Variants in FAM228A observed in about 807,000 individuals in gnomAD.
FAM228A encodes family with sequence similarity 228 member A, also known as protein FAM228A.
In FAM228A, 13 loss-of-function variants were observed where a neutral mutation model predicts 18.6. The observed-to-expected ratio is 0.70, with a 90% CI of 0.45 to 1.11. FAM228A has a LOEUF of 1.11. FAM228A is among the 50% of genes least tolerant of loss of function. The pLI, the probability that FAM228A is intolerant of heterozygous loss-of-function variation, is 0.00. For synonymous variants in FAM228A, 77 were observed against 86.6 expected (o/e 0.89, Z 0.61); for missense variants, 240 against 242.2 (o/e 0.99, Z 0.06).
At chr2:24,181,842 A>G (rs1667822659) in intron 3 of FAM228A, among the ~76,000 whole-genome samples, 1 of 152,228 alleles carries the variant, frequency 6.6e-6, no homozygotes, top group African/African-American at 2.4e-5. Context: ...AATCTACAAA[A>G]GCATTTCCTT....
intron 2 of FAM228A, chr2:24,175,949 G>A (rs75568319): frequency 0.01 from 10,620 of 1,025,722 alleles, 66 homozygotes; most frequent in Non-Finnish European, 0.011. Context: ...AAAAACTCTT[G>A]GAAATTTCCT....
chr2:24,183,371 A>G lies in FAM228A; in HGVS notation c.249A>G (p.Thr83=), dbSNP rs754509628. Residue 83 remains threonine (T), a splice_region_variant and synonymous_variant, in exon 4 of 6, where the codon ACA becomes ACG. Transcript: ENST00000295150. ...EERRTGLQCE[T]GKRHSIKELE... is the part of the protein sequence containing the mutation. Reference sequence around the variant, plus strand: ...GGAGAACTGGTCTTCAGTGTGAGACAGGTGCTTTGTGATCACTGGGCCTCA... The same window carrying G: ...GGAGAACTGGTCTTCAGTGTGAGACGGGTGCTTTGTGATCACTGGGCCTCA... 2.5e-6 allele frequency: 4 copies of G among 1,613,638 alleles called. No homozygotes were observed. Among genetic ancestry groups the G allele is most frequent in the Admixed American group, 1.7e-5 (1 of 60,024 alleles).
At chr2:24,183,143 C>G in intron 3 of FAM228A, 142 bp from the exon 4 acceptor site, 1 of 633,130 alleles carries the variant, frequency 1.6e-6, no homozygotes, top group Admixed American at 2.7e-5. Context: ...CCGAATAGGT[C>G]GTTTTTCAAC....
At chr2:24,188,780 G>A in intron 5 of FAM228A, 4 of 531,186 alleles carry the variant, frequency 7.5e-6, no homozygotes, top group Non-Finnish European at 9.6e-6. Flanking sequence ...TCTTAATTTT[G>A]GTAGTAAATT....
At chr2:24,188,617 G>C (rs939328990) in intron 5 of FAM228A, 2 of 985,306 alleles carry the variant, frequency 2.0e-6, no homozygotes, top group African/African-American at 3.5e-5. Flanking sequence ...TAGAAGCACA[G>C]AGAAATCAGT....
At chr2:24,186,734 G>A (rs1667957920) in intron 5 of FAM228A, among the ~76,000 whole-genome samples, 1 of 152,032 alleles carries the variant, frequency 6.6e-6, no homozygotes, top group African/African-American at 2.4e-5. Context: ...TGCCTCTCAA[G>A]TTCAAGTGAT....
chr2:24,190,309 C>G (rs1418452924), intron 5 of FAM228A, 103 bp from the exon 6 acceptor site: 15 of 1,368,604 alleles, frequency 1.1e-5, no homozygotes, highest in African/African-American at 2.9e-5. Context: ...CGTTCCTTCT[C>G]AAAAGTGACG....
intron 5 of FAM228A, among the ~76,000 whole-genome samples, chr2:24,186,135 G>A (rs951353951): frequency 1.3e-5 from 2 of 151,858 alleles, no homozygotes; most frequent in Non-Finnish European, 2.9e-5. Context: ...GAGTAGCTGG[G>A]ATTACAGGTG....
In FAM228A at chr2:24,190,803, AGTG is replaced by A; in HGVS notation, c.*175_*177del. The A allele has an allele frequency of 7.6e-7, 1 of 1,314,218 alleles. No individual in the cohort carries two copies. Among genetic ancestry groups the A allele is most frequent in the Middle Eastern group, 2.9e-4 (1 of 3,460 alleles). The allele number at this position is 1,314,218 out of a possible 1,614,324, so 81.4% of individuals were successfully genotyped here. A position where few individuals can be genotyped will look rare whatever the true frequency, so the allele number is the denominator to read the frequency against. ...AGCCTTGCATGAAGAAACTCAGACAAGTGGTAAATGTGGGACCTGGACCCCACT... is the reference window on the plus strand; with the variant it reads ...AGCCTTGCATGAAGAAACTCAGACAAGTAAATGTGGGACCTGGACCCCACT... On this transcript the variant is annotated 3_prime_UTR_variant, in exon 6 of 6. Transcript: ENST00000295150.
intron 2 of FAM228A, among the ~76,000 whole-genome samples, chr2:24,177,542 A>AT (rs5829919): frequency 0.86 from 130,385 of 151,728 alleles, 57,545 homozygotes; most frequent in South Asian, 0.95. Context: ...GCTATCAGGG[A>AT]TTTTTTTTAA....
In FAM228A at chr2:24,190,942, C is replaced by A. The variant is rs115897040; in HGVS notation, c.*311C>A. On this transcript the variant is annotated 3_prime_UTR_variant, in exon 6 of 6. Transcript: ENST00000295150. ...CGGGCCTTTGCCCTTCTGCCACTTT[C>A]CTACCATTTTCCACTTACTCCATCC... 4 of 1,086,466 alleles carry A rather than the reference C, an allele frequency of 3.7e-6. No homozygotes were observed. The East Asian group carries it at 2.2e-4, about 61-fold the overall frequency. The allele number at this position is 1,086,466 out of a possible 1,614,324, so 67.3% of individuals were successfully genotyped here. A position where few individuals can be genotyped will look rare whatever the true frequency, so the allele number is the denominator to read the frequency against.
In FAM228A at chr2:24,183,325, A is replaced by G. The variant is rs750747584; in HGVS notation, c.203A>G (p.Gln68Arg). Residue 68 changes from glutamine (Q) to arginine (R), a missense_variant, in exon 4 of 6, where the codon CAG (glutamine) becomes CGG (arginine). By Grantham distance (43) the Gln-to-Arg change is conservative. Coordinates refer to ENST00000295150, the MANE Select transcript of FAM228A (RefSeq NM_001040710.3). ...PPFVDPLFQR[Q>R]QEVDEERRTG... ...TTTGTTGATCCTCTGTTTCAAAGAC[A>G]GCAAGAGGTGGATGAAGAGAGGAGA... 98 of 1,614,022 alleles carry G rather than the reference A, an allele frequency of 6.1e-5. No individual in the cohort carries two copies. In the Admixed American group the frequency reaches 1.6e-3, roughly 27 times the overall value.
At chr2:24,178,390 TAGTG>T (rs1239176024) in intron 3 of FAM228A, among the ~76,000 whole-genome samples, 2 of 151,932 alleles carry the variant, frequency 1.3e-5, no homozygotes, top group Non-Finnish European at 2.9e-5. Context: ...CTGGGCAACA[TAGTG>T]AGGCCCTGTC....
chr2:24,181,891 T>G (rs183878631), intron 3 of FAM228A, among the ~76,000 whole-genome samples: 1 of 152,320 alleles, frequency 6.6e-6, no homozygotes, highest in African/African-American at 2.4e-5. Context: ...TTTAGACTCC[T>G]GTGGAATTTA....
chr2:24,187,834 T>C (rs1281978431), intron 5 of FAM228A, among the ~76,000 whole-genome samples: 1 of 152,242 alleles, frequency 6.6e-6, no homozygotes, highest in Admixed American at 6.5e-5. Context: ...GTTGTTCCTT[T>C]GAAGGTAATC....
Position 24,190,914 on chromosome 2 carries a change from GC to G in FAM228A, c.*286del. 1 of 1,134,818 alleles carries G rather than the reference GC, an allele frequency of 8.8e-7. No individual in the cohort carries two copies. Among genetic ancestry groups the G allele is most frequent in the Non-Finnish European group, 1.1e-6 (1 of 925,390 alleles). The allele number at this position is 1,134,818 out of a possible 1,614,324, so 70.3% of individuals were successfully genotyped here. On this transcript the variant is annotated 3_prime_UTR_variant, in exon 6 of 6. Transcript: ENST00000295150. ...CCCCTGAGATTTCTTCAGCGCCTTC[GC>G]CCGGGCCTTTGCCCTTCTGCCACTT...
At chr2:24,177,692 A>C in intron 2 of FAM228A, 110 bp from the exon 3 acceptor site, 2 of 623,072 alleles carry the variant, frequency 3.2e-6, no homozygotes, top group Non-Finnish European at 5.5e-6. Context: ...TTATGTTACC[A>C]AATAAGCCTC....
intron 5 of FAM228A, among the ~76,000 whole-genome samples, chr2:24,189,938 C>A: frequency 6.6e-6 from 1 of 151,896 alleles, no homozygotes; most frequent in East Asian, 1.9e-4. Flanking sequence ...TGGAGCCAGG[C>A]GCTCGGGGGA....
At chr2:24,186,966 A>T (rs558402818) in intron 5 of FAM228A, among the ~76,000 whole-genome samples, 7 of 152,294 alleles carry the variant, frequency 4.6e-5, no homozygotes, top group African/African-American at 1.7e-4. Flanking sequence ...ACTCATTTTT[A>T]AAATATTTTA....
Sources: gnomAD v4.1 joint callset for allele counts (sites outside exome capture counted in the v4.1 genomes callset) on GRCh38, gnomAD v4.1.1 for gene constraint, MANE v1.5 for transcripts, NCBI Gene and HGNC (gene_info 2026-07-23, HGNC 2026-07-21) for gene names.